Variants in SUMF1 observed in about 807,000 individuals in gnomAD.
The protein encoded by SUMF1 is sulfatase modifying factor 1.
In SUMF1, 48 loss-of-function variants were observed where a neutral mutation model predicts 47.6. The ratio of observed to expected loss-of-function variants is 1.01; its 90% confidence interval spans 0.80 to 1.28. The LOEUF is 1.28. Among genes scored for constraint, SUMF1 ranks in the 50% most tolerant of loss-of-function variants. The probability of loss-of-function intolerance (pLI) is 0.00; values close to 1 mark genes in which losing one functional copy is unlikely to be tolerated. For synonymous variants in SUMF1, 230 were observed against 192.1 expected, an observed-to-expected ratio of 1.20 and a Z score of -1.63; for missense variants, 571 against 485.4, an observed-to-expected ratio of 1.18 and a Z score of -1.66.
At chr3:4,212,315 T>C (rs887527354) in intron 8 of SUMF1, among the ~76,000 whole-genome samples, 39 of 151,884 alleles carry the variant, frequency 2.6e-4, no homozygotes, top group African/African-American at 9.2e-4. Flanking sequence ...TCCAGCAAAC[T>C]CCAGCAGACC....
Position 4,417,170 on chromosome 3 carries a change from C to T in SUMF1, c.798G>A (p.Pro266=), listed in dbSNP as rs760610426. 6.2e-6 allele frequency: 10 copies of T among 1,613,914 alleles called. No homozygotes were observed. Among genetic ancestry groups the T allele is most frequent in the South Asian group, 3.3e-5 (3 of 91,072 alleles). Residue 266 remains proline (P), a synonymous_variant, in exon 6 of 9, where the codon CCG becomes CCA. Transcript: ENST00000272902. The part of the protein sequence containing the change: ...HYANIWQGEF[P]VTNTGEDGFQ... ...AGCCATCCTCACCAGTGTTGGTCAC[C>T]GGAAACTCGCCCTGCCAAATGTTGG...
chr3:4,449,852 A>G (rs1431059098), intron 2 of SUMF1, among the ~76,000 whole-genome samples: 2 of 152,242 alleles, frequency 1.3e-5, no homozygotes, highest in Non-Finnish European at 2.9e-5. Context: ...TTTATTTAAC[A>G]TTAGTGTCTC....
At chr3:4,407,503 T>C (rs941986488) in intron 7 of SUMF1, among the ~76,000 whole-genome samples, 1 of 152,188 alleles carries the variant, frequency 6.6e-6, no homozygotes, top group Non-Finnish European at 1.5e-5. Context: ...CCTCTGCTTA[T>C]GGAACACATG....
At chr3:4,393,188 G>C (rs1257626800) in intron 7 of SUMF1, among the ~76,000 whole-genome samples, 1 of 152,156 alleles carries the variant, frequency 6.6e-6, no homozygotes, top group East Asian at 1.9e-4. Context: ...CATGCTGCAG[G>C]ATTTCCCAAA....
chr3:4,408,122 C>T (rs1701430811), intron 7 of SUMF1, among the ~76,000 whole-genome samples: 1 of 152,160 alleles, frequency 6.6e-6, no homozygotes, highest in South Asian at 2.1e-4. Flanking sequence ...CAAAACTAAC[C>T]AGGCATGTGA....
intron 8 of SUMF1, among the ~76,000 whole-genome samples, chr3:4,164,998 C>T (rs1694665491): frequency 6.6e-6 from 1 of 152,080 alleles, no homozygotes; most frequent in African/African-American, 2.4e-5. Context: ...TTCTAGAACA[C>T]AGGTCAGCAG....
chr3:4,072,738 T>C (rs920010373), intron 8 of SUMF1, among the ~76,000 whole-genome samples: 44 of 152,044 alleles, frequency 2.9e-4, no homozygotes, highest in African/African-American at 1.0e-3. Context: ...ATATCAGTGA[T>C]TGAAGGTCAA....
chr3:4,414,425 C>A (rs1314694405), intron 6 of SUMF1, among the ~76,000 whole-genome samples: 2 of 152,218 alleles, frequency 1.3e-5, no homozygotes, highest in African/African-American at 4.8e-5. Context: ...AAGTTAAATT[C>A]CTGCTCCAGT....
chr3:4,416,067 C>T (rs1400141559), intron 6 of SUMF1, among the ~76,000 whole-genome samples: 2 of 152,102 alleles, frequency 1.3e-5, no homozygotes, highest in East Asian at 3.9e-4. Context: ...AAGACTAAGA[C>T]ATGGCTTTAT....
intron 9 of SUMF1, among the ~76,000 whole-genome samples, chr3:4,066,946 G>A (rs1441516306): frequency 6.6e-6 from 1 of 152,102 alleles, no homozygotes; most frequent in Non-Finnish European, 1.5e-5. Context: ...TTTCTCAACT[G>A]GATGGTGTTC....
chr3:4,417,937 T>G, intron 5 of SUMF1, 73 bp downstream of exon 5: 1 of 1,609,444 alleles, frequency 6.2e-7, no homozygotes, highest in Non-Finnish European at 8.5e-7. Flanking sequence ...GTAAGTTCCA[T>G]GGAGTTTTTT....
At chr3:4,181,056 C>G (rs546316054) in intron 8 of SUMF1, among the ~76,000 whole-genome samples, 39 of 152,210 alleles carry the variant, frequency 2.6e-4, no homozygotes, top group African/African-American at 9.2e-4. Context: ...TAATTGCTAT[C>G]CATATCAGAA....
At chr3:4,457,065 T>TATATACGTGTGTGTAC in intron 1 of SUMF1, among the ~76,000 whole-genome samples, 2 of 119,166 alleles carry the variant, frequency 1.7e-5, no homozygotes, top group Non-Finnish European at 4.1e-5. Context: ...TGTGTATATA[T>TATATACGTGTGTGTAC]ATATATATAC....
At chr3:4,275,440 C>T (rs1238308991) in intron 8 of SUMF1, among the ~76,000 whole-genome samples, 1 of 152,092 alleles carries the variant, frequency 6.6e-6, no homozygotes, top group Non-Finnish European at 1.5e-5. Context: ...TGTCAAGAGG[C>T]AGAAGAGGGA....
chr3:4,332,565 A>AC (rs1699070850), intron 8 of SUMF1, among the ~76,000 whole-genome samples: 1 of 152,222 alleles, frequency 6.6e-6, no homozygotes, highest in Non-Finnish European at 1.5e-5. Context: ...TCTAGTGTAT[A>AC]CCGGCAGACA....
intron 8 of SUMF1, among the ~76,000 whole-genome samples, chr3:4,150,549 CA>C (rs33962142): frequency 0.37 from 52,893 of 143,860 alleles, 10,184 homozygotes; most frequent in Non-Finnish European, 0.43. Flanking sequence ...GACTCCGTCT[CA>C]AAAAAAAAAA....
At chr3:4,453,650 C>T (rs538779522) in intron 1 of SUMF1, among the ~76,000 whole-genome samples, 1 of 152,058 alleles carries the variant, frequency 6.6e-6, no homozygotes, top group South Asian at 2.1e-4. Flanking sequence ...TCTCCTGCCT[C>T]AGCCTCCTGA....
Position 4,135,318 on chromosome 3 carries a change from C to T in SUMF1, c.1015-66573G>A, listed in dbSNP as rs187773685. On this transcript the variant is annotated intron_variant and NMD_transcript_variant, in intron 8 of 12. Transcript: ENST00000448413. ...TCCCTGGGATGCAAGGCTGGTTCAA[C>T]ATATGAAAATCAATAAATGTAATCC... Among the ~76,000 whole-genome samples, 118 of 152,116 alleles carry T rather than the reference C, an allele frequency of 7.8e-4. 1 individual carries two copies. Among genetic ancestry groups the T allele is most frequent in the African/African-American group, 2.7e-3 (114 of 41,486 alleles).
intron 9 of SUMF1, among the ~76,000 whole-genome samples, chr3:4,043,107 A>G (rs1694940185): frequency 6.6e-6 from 1 of 152,094 alleles, no homozygotes; most frequent in South Asian, 2.1e-4. Context: ...TGTGGCTCTG[A>G]CAATGACTGG....
Sources: allele counts gnomAD v4.1 joint callset (sites outside exome capture counted in the v4.1 genomes callset), GRCh38; gene constraint gnomAD v4.1.1; transcripts MANE v1.5; gene names NCBI Gene and HGNC (gene_info 2026-07-23, HGNC 2026-07-21).